AOPEP: variants seen among roughly 807,000 people sequenced by gnomAD.
The protein encoded by AOPEP is aminopeptidase O.
A neutral mutation model predicts 98.1 loss-of-function variants in AOPEP; 77 were observed. The ratio of observed to expected loss-of-function variants is 0.78; its 90% CI spans 0.65 to 0.95. The LOEUF (loss-of-function observed/expected upper bound fraction) is 0.95, where lower values mean the gene tolerates loss of function less well. AOPEP is among the 40% of genes least tolerant of loss of function. The pLI, the probability that AOPEP is intolerant of heterozygous loss-of-function variation, is 0.00. For synonymous variants in AOPEP, 346 were observed against 365.3 expected (o/e 0.95, Z 0.60); for missense variants, 1,024 against 1,024.7 (o/e 1.00, Z 0.01).
chr9:94,800,637 T>G (rs1330323873), intron 4 of AOPEP, 120 bp from the exon 5 acceptor site: 1 of 1,038,416 alleles, frequency 9.6e-7, no homozygotes, highest in East Asian at 2.4e-5. Context: ...ATGAGCAGTC[T>G]TTGCTTGTGA....
At chr9:94,752,525 A>G (rs1490404379) in intron 1 of AOPEP, among the ~76,000 whole-genome samples, 2 of 152,162 alleles carry the variant, frequency 1.3e-5, no homozygotes, top group African/African-American at 2.4e-5. Flanking sequence ...AAAAATAACT[A>G]TCAACAAAAG....
chr9:94,983,260 T>G (rs759292069), intron 11 of AOPEP, among the ~76,000 whole-genome samples: 46 of 152,252 alleles, frequency 3.0e-4, no homozygotes, highest in Non-Finnish European at 5.3e-4. Context: ...CCTGACCTCA[T>G]GATCCGCCTG....
chr9:94,960,780 A>G (rs1161224831), intron 9 of AOPEP, among the ~76,000 whole-genome samples: 4 of 152,140 alleles, frequency 2.6e-5, no homozygotes, highest in Non-Finnish European at 5.9e-5. Flanking sequence ...GGGGAGGCCA[A>G]AGTGGGCAGA....
intron 14 of AOPEP, among the ~76,000 whole-genome samples, chr9:95,062,763 G>A (rs1399887728): frequency 6.6e-6 from 1 of 152,188 alleles, no homozygotes; most frequent in African/African-American, 2.4e-5. Context: ...AATGTCGAGG[G>A]GTTGTGGGGC....
intron 14 of AOPEP, among the ~76,000 whole-genome samples, chr9:95,074,773 C>T (rs1331158460): frequency 3.3e-5 from 5 of 152,200 alleles, no homozygotes; most frequent in South Asian, 2.1e-4. Context: ...TGTGAGCTCT[C>T]GCCCACTTCC....
At chr9:94,737,613 A>G (rs939468901) in intron 1 of AOPEP, among the ~76,000 whole-genome samples, 1 of 152,224 alleles carries the variant, frequency 6.6e-6, no homozygotes, top group Non-Finnish European at 1.5e-5. Context: ...ATATTATACA[A>G]TTTTATATAG....
At chr9:94,742,180 A>G (rs1049972673) in intron 1 of AOPEP, among the ~76,000 whole-genome samples, 8 of 152,364 alleles carry the variant, frequency 5.3e-5, no homozygotes, top group Admixed American at 1.3e-4. Context: ...GTTGTATACA[A>G]GAATTTAAAG....
chr9:95,118,302 A>G, the AOPEP span, among the ~76,000 whole-genome samples: 1 of 152,244 alleles, frequency 6.6e-6, no homozygotes, highest in African/African-American at 2.4e-5. Context: ...TATAGTCATG[A>G]GCCACTGAGC....
At chr9:94,754,668 G>T (rs561291912) in intron 1 of AOPEP, among the ~76,000 whole-genome samples, 1 of 152,316 alleles carries the variant, frequency 6.6e-6, no homozygotes, top group South Asian at 2.1e-4. Context: ...TTGAGAACCT[G>T]CTGTGTTGAG....
chr9:94,813,826 A>G (rs553534240), intron 5 of AOPEP, among the ~76,000 whole-genome samples: 84 of 152,218 alleles, frequency 5.5e-4, no homozygotes, highest in Non-Finnish European at 8.8e-4. Context: ...AGAACATTTC[A>G]TATTCTGCTC....
chr9:94,729,832 G>A (rs544983501), intron 1 of AOPEP, among the ~76,000 whole-genome samples: 2 of 152,292 alleles, frequency 1.3e-5, no homozygotes, highest in African/African-American at 4.8e-5. Flanking sequence ...GTCAGAGGAA[G>A]CAGATGGATT....
intron 5 of AOPEP, among the ~76,000 whole-genome samples, chr9:94,892,173 T>A (rs921670444): frequency 1.3e-5 from 2 of 152,198 alleles, no homozygotes; most frequent in Admixed American, 1.3e-4. Context: ...TTTCTTTGGG[T>A]TTATCCTATT....
chr9:94,756,725 G>A (rs1056813537), intron 1 of AOPEP, among the ~76,000 whole-genome samples: 3 of 151,936 alleles, frequency 2.0e-5, no homozygotes, highest in African/African-American at 4.8e-5. Context: ...ATAAATTTGG[G>A]AAGAAGAAAC....
intron 1 of AOPEP, among the ~76,000 whole-genome samples, chr9:94,740,510 A>G (rs1461747274): frequency 6.6e-6 from 1 of 152,238 alleles, no homozygotes; most frequent in Non-Finnish European, 1.5e-5. Flanking sequence ...AACTGTGCTT[A>G]TCACACAAGT....
At chr9:95,149,936 C>A in the AOPEP span, 6 of 1,604,864 alleles carry the variant, frequency 3.7e-6, no homozygotes, top group Admixed American at 1.0e-4. Context: ...AAAATGGCCT[C>A]GTTTACAGCC....
intron 1 of AOPEP, among the ~76,000 whole-genome samples, chr9:94,729,590 AAAG>A (rs1346109326): frequency 5.3e-5 from 8 of 151,232 alleles, no homozygotes; most frequent in Admixed American, 2.6e-4. Flanking sequence ...AAAAAAAAAA[AAAG>A]AAAGAAAAGA....
At chr9:94,903,998 T>TA (rs112024662) in intron 5 of AOPEP, 5,104 of 145,500 alleles carry the variant, frequency 0.035, 211 homozygotes, top group African/African-American at 0.096. Context: ...CTCTGTTTCT[T>TA]AAAAAAAAAA....
intron 5 of AOPEP, among the ~76,000 whole-genome samples, chr9:94,834,471 A>C (rs1029958341): frequency 6.6e-6 from 1 of 152,166 alleles, no homozygotes; most frequent in African/African-American, 2.4e-5. Flanking sequence ...AGGTACAAGA[A>C]TGGTATTGTG....
intron 5 of AOPEP, among the ~76,000 whole-genome samples, chr9:94,908,445 G>A (rs552054103): frequency 4.5e-4 from 68 of 152,290 alleles, no homozygotes; most frequent in African/African-American, 1.6e-3. Context: ...TCTGAACACT[G>A]ACTTGAAAGC....
Sources: gnomAD v4.1 joint callset for allele counts (sites outside exome capture counted in the v4.1 genomes callset) on GRCh38, gnomAD v4.1.1 for gene constraint, MANE v1.5 for transcripts, NCBI Gene and HGNC (gene_info 2026-07-23, HGNC 2026-07-21) for gene names.